CNTNAP2: variants seen among roughly 807,000 people sequenced by gnomAD.
CNTNAP2 encodes contactin associated protein 2.
In CNTNAP2, 98 loss-of-function variants were observed where a neutral mutation model predicts 155.2. The observed-to-expected ratio is 0.63, with a 90% CI of 0.54 to 0.75. CNTNAP2 has a LOEUF of 0.75. Among genes scored for constraint, CNTNAP2 ranks in the 30% least tolerant of loss-of-function variants. The probability of loss-of-function intolerance (pLI) is 0.00; values close to 1 mark genes in which losing one functional copy is unlikely to be tolerated. For missense variants in CNTNAP2, 1,727 were observed against 1,688.1 expected (o/e 1.02, Z -0.40); for synonymous variants, 651 against 631.2 (o/e 1.03, Z -0.47).
At chr7:148,263,658 A>G (rs978352116) in intron 20 of CNTNAP2, among the ~76,000 whole-genome samples, 1 of 151,094 alleles carries the variant, frequency 6.6e-6, no homozygotes, top group Non-Finnish European at 1.5e-5. Flanking sequence ...AATGGCGTGA[A>G]CCCGGGAGGC....
intron 15 of CNTNAP2, among the ~76,000 whole-genome samples, chr7:148,095,493 T>G (rs1177449221): frequency 6.6e-6 from 1 of 152,208 alleles, no homozygotes. Context: ...AAACAGTGTT[T>G]GCAGAGCTTC....
rs193269108 is a variant in CNTNAP2 at position 147,213,952 on chromosome 7, T to C, written c.1348+81443T>C. 3.0e-3 allele frequency among the ~76,000 whole-genome samples: 458 copies of C among 152,180 alleles called. 1 individual carries two copies. The highest frequency in any genetic ancestry group is 0.01 in the African/African-American group (425 of 41,530). On this transcript the variant is annotated intron_variant, in intron 8 of 23. Coordinates refer to ENST00000361727, the MANE Select transcript of CNTNAP2 (RefSeq NM_014141.6). ...AAAGAGGGCATCACCTTTTTGTGCT[T>C]ATCCTCGTCCTCAGATGATTGAATG...
At chr7:147,380,443 A>G (rs1444719257) in intron 9 of CNTNAP2, among the ~76,000 whole-genome samples, 1 of 152,138 alleles carries the variant, frequency 6.6e-6, no homozygotes, top group Admixed American at 6.6e-5. Context: ...TCTAAAGATT[A>G]TATCAAGAGG....
At chr7:147,293,982 AT>A (rs1805366839) in intron 8 of CNTNAP2, among the ~76,000 whole-genome samples, 1 of 152,210 alleles carries the variant, frequency 6.6e-6, no homozygotes, top group South Asian at 2.1e-4. Flanking sequence ...TTATATGAAT[AT>A]CAGTTTCCTT....
intron 2 of CNTNAP2, among the ~76,000 whole-genome samples, chr7:146,780,266 A>G (rs1388177621): frequency 2.0e-5 from 3 of 151,890 alleles, no homozygotes; most frequent in Admixed American, 6.6e-5. Flanking sequence ...GCTCACTGCA[A>G]GCTCTGCCTC....
intron 20 of CNTNAP2, among the ~76,000 whole-genome samples, chr7:148,252,927 TA>T (rs1563012484): frequency 3.9e-5 from 6 of 151,934 alleles, no homozygotes; most frequent in African/African-American, 9.7e-5. Context: ...TGACCCCCTT[TA>T]AAGGAGTTGT....
chr7:147,349,317 C>T (rs928886274), intron 9 of CNTNAP2, among the ~76,000 whole-genome samples: 3 of 151,814 alleles, frequency 2.0e-5, no homozygotes, highest in Admixed American at 6.6e-5. Flanking sequence ...ACAAAAGATA[C>T]TATTAGCAGC....
At chr7:146,950,085 G>A (rs1282302393) in intron 3 of CNTNAP2, among the ~76,000 whole-genome samples, 1 of 151,936 alleles carries the variant, frequency 6.6e-6, no homozygotes, top group African/African-American at 2.4e-5. Context: ...GGTATCAGAG[G>A]CCCCAAAATA....
chr7:146,403,429 C>A (rs545094461), intron 1 of CNTNAP2, among the ~76,000 whole-genome samples: 2 of 152,022 alleles, frequency 1.3e-5, no homozygotes, highest in Non-Finnish European at 2.9e-5. Context: ...GTTTAAATTT[C>A]TTTTCTGCTG....
intron 8 of CNTNAP2, among the ~76,000 whole-genome samples, chr7:147,152,669 G>T (rs879912025): frequency 6.6e-6 from 1 of 152,010 alleles, no homozygotes; most frequent in Non-Finnish European, 1.5e-5. Context: ...TATCATATGT[G>T]TTTAAAAACA....
intron 1 of CNTNAP2, among the ~76,000 whole-genome samples, chr7:146,211,403 C>T (rs1490730025): frequency 6.6e-6 from 1 of 152,110 alleles, no homozygotes; most frequent in Non-Finnish European, 1.5e-5. Context: ...AAATCAATTA[C>T]CATTACCAAG....
chr7:148,063,605 T>G (rs566967647), intron 15 of CNTNAP2, among the ~76,000 whole-genome samples: 1 of 151,448 alleles, frequency 6.6e-6, no homozygotes, highest in African/African-American at 2.4e-5. Context: ...TTTATTTCAG[T>G]AGGTTTTTGG....
rs528292643 is a variant in CNTNAP2, at chr7:147,027,092, T to C, written c.403-16815T>C. Among the ~76,000 whole-genome samples, 4 of 152,088 alleles carry C rather than the reference T, an allele frequency of 2.6e-5. No individual in the cohort carries two copies. In the South Asian group the frequency reaches 6.2e-4, roughly 24 times the overall value. On this transcript the variant is annotated intron_variant, in intron 3 of 23. Coordinates refer to ENST00000361727, the MANE Select transcript of CNTNAP2 (RefSeq NM_014141.6). ...AGCTTTGCATCAGGGGACTTACTTA[T>C]CTTCAATGTGTGCTCTATTCCTCAT...
chr7:146,516,864 T>A (rs1336161488), intron 1 of CNTNAP2, among the ~76,000 whole-genome samples: 1 of 151,992 alleles, frequency 6.6e-6, no homozygotes, highest in African/African-American at 2.4e-5. Context: ...ACGAAACTCC[T>A]TCGCAAAATC....
chr7:146,661,562 AATAT>A (rs1301860764), intron 1 of CNTNAP2, among the ~76,000 whole-genome samples: 2 of 89,442 alleles, frequency 2.2e-5, no homozygotes, highest in Non-Finnish European at 4.7e-5. Context: ...TCTTTCATTT[AATAT>A]GATGCTCTTG....
chr7:146,901,223 T>G (rs1441874452), intron 3 of CNTNAP2, among the ~76,000 whole-genome samples: 1 of 152,164 alleles, frequency 6.6e-6, no homozygotes, highest in African/African-American at 2.4e-5. Flanking sequence ...TTCTCTAGTG[T>G]GCTTAATTCA....
intron 8 of CNTNAP2, among the ~76,000 whole-genome samples, chr7:147,281,776 A>G (rs1805040530): frequency 6.6e-6 from 1 of 151,874 alleles, no homozygotes; most frequent in Non-Finnish European, 1.5e-5. Context: ...AAATTGATGA[A>G]TTTGGTGAGT....
intron 10 of CNTNAP2, among the ~76,000 whole-genome samples, chr7:147,470,985 A>AG (rs1201482824): frequency 6.6e-6 from 1 of 152,204 alleles, no homozygotes; most frequent in Non-Finnish European, 1.5e-5. Context: ...AGGAGCAGCC[A>AG]GTAAAGGAGA....
chr7:147,457,609 G>A (rs138029701), intron 10 of CNTNAP2, among the ~76,000 whole-genome samples: 2 of 151,356 alleles, frequency 1.3e-5, no homozygotes, highest in East Asian at 3.9e-4. Flanking sequence ...CATTCTGAGA[G>A]CCTGAAACTG....
Sources: gnomAD v4.1 joint callset for allele counts (sites outside exome capture counted in the v4.1 genomes callset) on GRCh38, gnomAD v4.1.1 for gene constraint, MANE v1.5 for transcripts, NCBI Gene and HGNC (gene_info 2026-07-23, HGNC 2026-07-21) for gene names.